MACROD2: variants seen among roughly 807,000 people sequenced by gnomAD.
The protein encoded by MACROD2 is mono-ADP ribosylhydrolase 2.
MACROD2 carries 36 observed loss-of-function variants against 70.4 expected under a neutral mutation model. The ratio of observed to expected loss-of-function variants is 0.51; its 90% CI spans 0.39 to 0.68. The LOEUF (loss-of-function observed/expected upper bound fraction) is 0.68, where lower values mean the gene tolerates loss of function less well. Among genes scored for constraint, MACROD2 ranks in the 30% least tolerant of loss-of-function variants. MACROD2 has a pLI of 0.00. For synonymous variants in MACROD2, 172 were observed against 178.8 expected, an observed-to-expected ratio of 0.96 and a Z score of 0.30; for missense variants, 496 against 538.4, an observed-to-expected ratio of 0.92 and a Z score of 0.78.
At chr20:15,829,107 A>G (rs1004904527) in intron 8 of MACROD2, among the ~76,000 whole-genome samples, 2 of 148,626 alleles carry the variant, frequency 1.3e-5, no homozygotes, top group African/African-American at 5.0e-5. Context: ...TCTGATTATT[A>G]TCGGAAAAAA....
intron 3 of MACROD2, among the ~76,000 whole-genome samples, chr20:14,479,444 A>T (rs2084637121): frequency 6.6e-6 from 1 of 152,122 alleles, no homozygotes; most frequent in Admixed American, 6.5e-5. Context: ...GACTGAGCCT[A>T]CTTGGGCTGC....
chr20:14,177,301 CTTTTT>C (rs71190114), intron 3 of MACROD2, among the ~76,000 whole-genome samples: 1 of 125,438 alleles, frequency 8.0e-6, no homozygotes, highest in African/African-American at 3.0e-5. Flanking sequence ...GAGATATCTT[CTTTTT>C]TTTTTTTTTT....
At chr20:16,004,765 C>T (rs951358682) in intron 15 of MACROD2, among the ~76,000 whole-genome samples, 6 of 152,224 alleles carry the variant, frequency 3.9e-5, no homozygotes, top group African/African-American at 1.2e-4. Context: ...GGCACGAGTG[C>T]GAGCCATGGC....
chr20:15,514,062 AAAG>A (rs1043979839), intron 8 of MACROD2, among the ~76,000 whole-genome samples: 2 of 69,400 alleles, frequency 2.9e-5, no homozygotes, highest in African/African-American at 7.2e-5. Context: ...GGAGATAAAG[AAAG>A]AAAATATTTT....
intron 8 of MACROD2, among the ~76,000 whole-genome samples, chr20:15,573,887 T>C (rs1414785497): frequency 6.6e-6 from 1 of 152,158 alleles, no homozygotes; most frequent in Admixed American, 6.5e-5. Flanking sequence ...TCCCACCTGA[T>C]TCTTAGAGTA....
At chr20:15,364,078 G>GC (rs2078384156) in intron 6 of MACROD2, among the ~76,000 whole-genome samples, 1 of 152,122 alleles carries the variant, frequency 6.6e-6, no homozygotes, top group South Asian at 2.1e-4. Context: ...CCAGATGTGA[G>GC]CCTGACTTTA....
At chr20:15,470,123 C>T (rs1219409468) in intron 7 of MACROD2, among the ~76,000 whole-genome samples, 2 of 152,116 alleles carry the variant, frequency 1.3e-5, no homozygotes, top group African/African-American at 4.8e-5. Flanking sequence ...AATCTCAGCT[C>T]ACTGCAACCT....
intron 5 of MACROD2, among the ~76,000 whole-genome samples, chr20:15,141,620 T>A (rs1208679798): frequency 6.6e-6 from 1 of 152,204 alleles, no homozygotes; most frequent in African/African-American, 2.4e-5. Flanking sequence ...ACCTTTCTAA[T>A]GCCTGGAGGT....
chr20:14,148,609 G>A (rs1001227614), intron 3 of MACROD2, among the ~76,000 whole-genome samples: 3 of 152,162 alleles, frequency 2.0e-5, no homozygotes, highest in Admixed American at 2.0e-4. Flanking sequence ...CAAGATTAAT[G>A]TTTTGGGACC....
intron 5 of MACROD2, among the ~76,000 whole-genome samples, chr20:15,054,946 CTT>C (rs10673344): frequency 1.7e-5 from 2 of 120,748 alleles, no homozygotes; most frequent in Non-Finnish European, 1.7e-5. Flanking sequence ...CCACATCTAG[CTT>C]TTTTTTTTTT....
At chr20:15,388,782 T>C (rs1568769296) in intron 6 of MACROD2, among the ~76,000 whole-genome samples, 2 of 152,164 alleles carry the variant, frequency 1.3e-5, no homozygotes, top group Non-Finnish European at 2.9e-5. Context: ...TTATTAAAAC[T>C]ATAGGCCAGC....
At chr20:14,157,327 A>G (rs1277669248) in intron 3 of MACROD2, among the ~76,000 whole-genome samples, 2 of 152,172 alleles carry the variant, frequency 1.3e-5, no homozygotes, top group East Asian at 1.9e-4. Flanking sequence ...ACATGCATGA[A>G]TGTGTAATGA....
chr20:15,021,029 T>C (rs2075164742), intron 5 of MACROD2, among the ~76,000 whole-genome samples: 1 of 146,386 alleles, frequency 6.8e-6, no homozygotes, highest in Non-Finnish European at 1.5e-5. Context: ...TATACACATG[T>C]GCATATACGT....
intron 4 of MACROD2, among the ~76,000 whole-genome samples, chr20:14,678,529 G>A (rs1284092582): frequency 6.6e-6 from 1 of 152,090 alleles, no homozygotes; most frequent in Non-Finnish European, 1.5e-5. Flanking sequence ...CTAGAAGATT[G>A]TATTCCACTT....
At chr20:14,058,559 A>T (rs1352883771) in intron 2 of MACROD2, among the ~76,000 whole-genome samples, 1 of 149,898 alleles carries the variant, frequency 6.7e-6, no homozygotes, top group African/African-American at 2.5e-5. Context: ...TTTTTCCTAT[A>T]TTGAGAGTCT....
intron 5 of MACROD2, among the ~76,000 whole-genome samples, chr20:14,941,085 T>G (rs183239020): frequency 2.6e-5 from 4 of 152,252 alleles, no homozygotes; most frequent in Admixed American, 6.5e-5. Flanking sequence ...ATTAGTTTGT[T>G]GAGGTTTTTT....
intron 3 of MACROD2, among the ~76,000 whole-genome samples, chr20:14,279,709 T>A (rs1417814020): frequency 6.6e-6 from 1 of 152,192 alleles, no homozygotes; most frequent in Non-Finnish European, 1.5e-5. Context: ...TTGTAACCTA[T>A]CTTTTCTTTT....
At chr20:14,667,038 T>G (rs145680450) in intron 4 of MACROD2, among the ~76,000 whole-genome samples, 1 of 151,954 alleles carries the variant, frequency 6.6e-6, no homozygotes, top group East Asian at 1.9e-4. Context: ...TCTGACAAGA[T>G]CCAATACTGT....
intron 8 of MACROD2, among the ~76,000 whole-genome samples, chr20:15,696,706 T>G (rs2050380459): frequency 6.7e-6 from 1 of 148,688 alleles, no homozygotes; most frequent in Non-Finnish European, 1.5e-5. Flanking sequence ...TTGGTAATTT[T>G]TTAGTTACCA....
Sources: gnomAD v4.1 joint callset for allele counts (sites outside exome capture counted in the v4.1 genomes callset) on GRCh38, gnomAD v4.1.1 for gene constraint, MANE v1.5 for transcripts, NCBI Gene and HGNC (gene_info 2026-07-23, HGNC 2026-07-21) for gene names.